The following MSRA variants were observed in gnomAD, a reference collection of about 807,000 sequenced individuals.
The protein encoded by MSRA is mitochondrial peptide methionine sulfoxide reductase.
Under a neutral mutation model 31.3 loss-of-function variants are expected in MSRA, and 54 were observed. The ratio of observed to expected loss-of-function variants is 1.73; its 90% CI spans 1.39 to 2.17. The LOEUF (loss-of-function observed/expected upper bound fraction) is 2.17. MSRA is among the 30% of genes most tolerant of loss of function. The pLI, the probability that MSRA is intolerant of heterozygous loss-of-function variation, is 0.00. For synonymous variants in MSRA, 169 were observed against 116.5 expected, an observed-to-expected ratio of 1.45 and a Z score of -2.90; for missense variants, 507 against 300.9, an observed-to-expected ratio of 1.69 and a Z score of -5.07.
At chr8:10,394,550 G>A (rs1030983606) in intron 5 of MSRA, among the ~76,000 whole-genome samples, 1 of 152,224 alleles carries the variant, frequency 6.6e-6, no homozygotes, top group East Asian at 1.9e-4. Context: ...TCCCTGAGCA[G>A]CTCTGTCAGA....
chr8:10,408,078 G>C (rs1316505161), intron 5 of MSRA, among the ~76,000 whole-genome samples: 2 of 152,168 alleles, frequency 1.3e-5, no homozygotes, highest in Non-Finnish European at 2.9e-5. Context: ...GAGACCAGGA[G>C]CACTAGCAGG....
At chr8:10,287,399 A>G (rs189407399) in intron 3 of MSRA, among the ~76,000 whole-genome samples, 152 of 152,368 alleles carry the variant, frequency 1.0e-3, no homozygotes, top group Non-Finnish European at 1.6e-3. Context: ...CAATTAATGC[A>G]TATGAAAGCA....
At chr8:10,300,442 G>A (rs1244870299) in intron 3 of MSRA, among the ~76,000 whole-genome samples, 2 of 152,194 alleles carry the variant, frequency 1.3e-5, no homozygotes, top group African/African-American at 4.8e-5. Flanking sequence ...TTTTAGTGGA[G>A]ACGGGGTTAC....
At chr8:10,192,791 G>A (rs1040097413) in intron 1 of MSRA, among the ~76,000 whole-genome samples, 3 of 152,224 alleles carry the variant, frequency 2.0e-5, no homozygotes, top group Non-Finnish European at 2.9e-5. Context: ...TCCTTGGAAA[G>A]AATTATATAT....
intron 2 of MSRA, among the ~76,000 whole-genome samples, chr8:10,221,156 A>C (rs561279970): frequency 1.2e-4 from 18 of 152,174 alleles, no homozygotes; most frequent in Non-Finnish European, 2.4e-4. Flanking sequence ...TCCCGAGCAA[A>C]TAGCCAGTGC....
chr8:10,163,532 C>T (rs757893503), intron 1 of MSRA, among the ~76,000 whole-genome samples: 1 of 152,216 alleles, frequency 6.6e-6, no homozygotes. Flanking sequence ...GGGCATCACA[C>T]CTTGTGCCTT....
intron 1 of MSRA, among the ~76,000 whole-genome samples, chr8:10,171,212 G>T (rs1356186509): frequency 4.6e-5 from 7 of 152,314 alleles, no homozygotes; most frequent in East Asian, 1.9e-4. Flanking sequence ...AATGCTGCTG[G>T]TTGGGAGTGA....
intron 2 of MSRA, among the ~76,000 whole-genome samples, chr8:10,227,454 G>A (rs1811097677): frequency 1.3e-5 from 2 of 152,138 alleles, no homozygotes; most frequent in South Asian, 4.1e-4. Flanking sequence ...ATATGAAAGG[G>A]GTTATGAAGA....
intron 3 of MSRA, among the ~76,000 whole-genome samples, chr8:10,283,802 C>CATATGTATATAT (rs1554515689): frequency 2.2e-5 from 1 of 46,164 alleles, no homozygotes. Context: ...TATTCTATCT[C>CATATGTATATAT]ATATATATAT....
chr8:10,378,849 C>G (rs1221980136), intron 5 of MSRA, among the ~76,000 whole-genome samples: 1 of 152,236 alleles, frequency 6.6e-6, no homozygotes, highest in Non-Finnish European at 1.5e-5. Flanking sequence ...CTGCATCAGA[C>G]TAACCACGTG....
chr8:10,184,798 T>A (rs1421063378), intron 1 of MSRA, among the ~76,000 whole-genome samples: 3 of 152,216 alleles, frequency 2.0e-5, no homozygotes, highest in Non-Finnish European at 4.4e-5. Flanking sequence ...GTCGTATAAC[T>A]GACAACTGTA....
intron 2 of MSRA, among the ~76,000 whole-genome samples, chr8:10,223,288 G>A (rs968323591): frequency 2.6e-5 from 4 of 152,194 alleles, no homozygotes; most frequent in Non-Finnish European, 2.9e-5. Flanking sequence ...CTTCATGAGA[G>A]TTGAAGTTGA....
chr8:10,215,704 GTTGT>G (rs1439083493), intron 2 of MSRA, among the ~76,000 whole-genome samples: 4 of 152,150 alleles, frequency 2.6e-5, no homozygotes, highest in African/African-American at 9.7e-5. Flanking sequence ...AGTGAGACTG[GTTGT>G]TTGCTTCTGT....
intron 1 of MSRA, chr8:10,095,853 A>G: frequency 3.2e-6 from 4 of 1,269,592 alleles, no homozygotes; most frequent in Non-Finnish European, 3.0e-6. Flanking sequence ...GTGTCCATGC[A>G]TTTGGGAAAT....
intron 1 of MSRA, among the ~76,000 whole-genome samples, chr8:10,061,027 C>A (rs1302361890): frequency 1.3e-5 from 2 of 152,096 alleles, no homozygotes; most frequent in East Asian, 3.9e-4. Flanking sequence ...TTGTTATTTC[C>A]CCTCTTTGCA....
At chr8:10,199,557 A>G (rs1330403872) in intron 1 of MSRA, among the ~76,000 whole-genome samples, 13 of 151,372 alleles carry the variant, frequency 8.6e-5, no homozygotes, top group Admixed American at 8.6e-4. Flanking sequence ...TGACCTCGTG[A>G]TCTGCCCGCC....
intron 1 of MSRA, among the ~76,000 whole-genome samples, chr8:10,079,119 A>G (rs1266662274): frequency 1.3e-5 from 2 of 152,120 alleles, no homozygotes; most frequent in East Asian, 1.9e-4. Flanking sequence ...GGTGTCAAGA[A>G]CCAGGTGAGA....
At chr8:10,327,611 C>T (rs539009100) in intron 5 of MSRA, among the ~76,000 whole-genome samples, 7 of 152,074 alleles carry the variant, frequency 4.6e-5, no homozygotes, top group South Asian at 2.1e-4. Flanking sequence ...TGCGGGGAGG[C>T]GGGGAGGAAG....
At position 10,120,667 on chromosome 8, in the gene MSRA, A is replaced by AG. The variant is rs566646736; in HGVS notation, c.142+66013dup. 3.2e-3 allele frequency among the ~76,000 whole-genome samples: 489 copies of AG among 152,350 alleles called. 4 individuals are homozygous for AG. Among genetic ancestry groups the AG allele is most frequent in the African/African-American group, 0.011 (459 of 41,572 alleles). On this transcript the variant is annotated intron_variant, in intron 1 of 5. Transcript: ENST00000317173. The stretch of plus-strand genomic sequence containing the variant: ...AGAAGGCATGGAGTTAGAATACAGT[A>AG]GGGGAGATGATCATGTAAACAAATC...
Sources: allele counts gnomAD v4.1 joint callset (sites outside exome capture counted in the v4.1 genomes callset), GRCh38; gene constraint gnomAD v4.1.1; transcripts MANE v1.5; gene names NCBI Gene and HGNC (gene_info 2026-07-23, HGNC 2026-07-21).